Variants in DMD observed in about 807,000 individuals in gnomAD.
The protein encoded by DMD is dystrophin.
In DMD, 63 loss-of-function variants were observed where a neutral mutation model predicts 330.1. The ratio of observed to expected loss-of-function variants is 0.19; its 90% CI spans 0.16 to 0.24. The LOEUF is 0.24. Ranked by LOEUF, DMD falls within the 10% of genes least tolerant of loss-of-function variation. DMD has a pLI of 1.00. For missense variants in DMD, 3,344 were observed against 2,684.1 expected (o/e 1.25, Z -5.43); for synonymous variants, 1,223 against 959.8 (o/e 1.27, Z -5.07).
intron 22 of DMD, among the ~76,000 whole-genome samples, chrX:32,469,193 G>T (rs989335077): frequency 1.8e-5 from 2 of 110,196 alleles, no homozygotes; most frequent in African/African-American, 6.6e-5. Context: ...ATTCTGTTAT[G>T]TAGTATTATG....
intron 1 of DMD, among the ~76,000 whole-genome samples, chrX:33,079,587 T>C (rs1389883677): frequency 9.0e-6 from 1 of 111,711 alleles, no homozygotes; most frequent in Non-Finnish European, 1.9e-5. Flanking sequence ...TATTTGACAA[T>C]GTTTCCTGTA....
chrX:32,252,755 A>G (rs868278348), intron 43 of DMD, among the ~76,000 whole-genome samples: 2 of 32,558 alleles, frequency 6.1e-5, no homozygotes, highest in Non-Finnish European at 9.1e-5. Context: ...AATATATATA[A>G]ATATATAAAT....
At chrX:31,862,774 A>C (rs1006403195) in intron 48 of DMD, among the ~76,000 whole-genome samples, 1 of 112,493 alleles carries the variant, frequency 8.9e-6, no homozygotes, top group African/African-American at 3.2e-5. Flanking sequence ...AAGCTTAAGG[A>C]GATGAGTAAC....
intron 7 of DMD, among the ~76,000 whole-genome samples, chrX:32,783,396 C>T (rs2075064492): frequency 9.6e-6 from 1 of 104,158 alleles, no homozygotes; most frequent in South Asian, 4.2e-4. Context: ...CATATATATA[C>T]ACACACACCC....
At chrX:33,299,738 T>C (rs1043045486) in intron 1 of DMD, among the ~76,000 whole-genome samples, 8 of 112,173 alleles carry the variant, frequency 7.1e-5, no homozygotes, top group African/African-American at 2.3e-4. Flanking sequence ...TACATACTGC[T>C]GATATTTTCG....
intron 9 of DMD, among the ~76,000 whole-genome samples, chrX:32,665,812 T>C (rs1332732263): frequency 2.7e-5 from 3 of 112,235 alleles, no homozygotes; most frequent in African/African-American, 6.5e-5. Context: ...CTCAGCGTTG[T>C]TTCATCAACG....
At chrX:32,676,630 T>A (rs2061989613) in intron 9 of DMD, among the ~76,000 whole-genome samples, 1 of 111,523 alleles carries the variant, frequency 9.0e-6, no homozygotes, top group Admixed American at 9.6e-5. Context: ...TCTTAGGGTT[T>A]TATAAACTGT....
chrX:31,799,190 G>A (rs1195086082), intron 50 of DMD, among the ~76,000 whole-genome samples: 2 of 111,970 alleles, frequency 1.8e-5, no homozygotes, highest in Non-Finnish European at 3.8e-5. Context: ...CAGGTAATGG[G>A]GATTCAATGA....
chrX:31,810,720 A>T (rs1363575723), intron 50 of DMD, among the ~76,000 whole-genome samples: 2 of 112,244 alleles, frequency 1.8e-5, no homozygotes, highest in African/African-American at 6.5e-5. Context: ...TCTGAAGGTA[A>T]AGTTATATTC....
chrX:32,384,262 C>G (rs1252135033), intron 33 of DMD, among the ~76,000 whole-genome samples: 1 of 110,179 alleles, frequency 9.1e-6, no homozygotes, highest in Non-Finnish European at 1.9e-5. Flanking sequence ...TAATTGGCAT[C>G]TATAAAAATT....
intron 51 of DMD, among the ~76,000 whole-genome samples, chrX:31,770,771 C>A (rs1401234607): frequency 8.9e-6 from 1 of 111,866 alleles, no homozygotes; most frequent in Non-Finnish European, 1.9e-5. Flanking sequence ...CTTACTGTGC[C>A]TCTCTATCTA....
At chrX:31,471,201 A>C (rs2067270825) in intron 59 of DMD, among the ~76,000 whole-genome samples, 1 of 111,214 alleles carries the variant, frequency 9.0e-6, no homozygotes, top group Non-Finnish European at 1.9e-5. Context: ...TGGGATATGA[A>C]AAAAACGCCT....
At chrX:33,125,927 G>A (rs1358080850) in intron 1 of DMD, among the ~76,000 whole-genome samples, 2 of 109,747 alleles carry the variant, frequency 1.8e-5, no homozygotes, top group Non-Finnish European at 1.9e-5. Flanking sequence ...AAAATTGAGG[G>A]TTTTGGGAGG....
At chrX:32,625,420 C>T (rs1298809225) in intron 11 of DMD, among the ~76,000 whole-genome samples, 5 of 111,447 alleles carry the variant, frequency 4.5e-5, no homozygotes, top group South Asian at 3.8e-4. Context: ...CAATATTGGA[C>T]AGCACAGCTA....
At chrX:32,554,877 AGAAG>A in intron 16 of DMD, among the ~76,000 whole-genome samples, 1 of 50,369 alleles carries the variant, frequency 2.0e-5, no homozygotes. Flanking sequence ...AGAGAAGGAA[AGAAG>A]AAAGAAAGAA....
chrX:31,559,345 C>A (rs6631341), intron 55 of DMD, among the ~76,000 whole-genome samples: 20,875 of 93,448 alleles, frequency 0.22, 2,823 homozygotes, highest in Middle Eastern at 0.33. Context: ...AACTCACCAC[C>A]ATAAGACTTC....
intron 34 of DMD, among the ~76,000 whole-genome samples, chrX:32,375,413 C>G (rs16998280): frequency 1.8e-5 from 2 of 111,987 alleles, no homozygotes; most frequent in Non-Finnish European, 3.8e-5. Context: ...ATAATACTCA[C>G]GAAGTGGGTG....
intron 7 of DMD, among the ~76,000 whole-genome samples, chrX:32,770,471 G>A (rs1169161250): frequency 9.0e-6 from 1 of 111,472 alleles, no homozygotes; most frequent in African/African-American, 3.3e-5. Flanking sequence ...ACGTGTTCTT[G>A]GAGTTCCTTT....
intron 44 of DMD, among the ~76,000 whole-genome samples, chrX:32,108,261 T>C (rs1220430249): frequency 9.1e-6 from 1 of 110,177 alleles, no homozygotes; most frequent in Non-Finnish European, 1.9e-5. Context: ...CAAGGTAAGA[T>C]TGGTTAAAAA....
Sources: allele counts gnomAD v4.1 joint callset (sites outside exome capture counted in the v4.1 genomes callset), GRCh38; gene constraint gnomAD v4.1.1; transcripts MANE v1.5; gene names NCBI Gene and HGNC (gene_info 2026-07-23, HGNC 2026-07-21).